ARHGAP28: variants seen among roughly 807,000 people sequenced by gnomAD.
ARHGAP28 encodes Rho GTPase activating protein 28.
ARHGAP28 carries 56 observed loss-of-function variants against 90.7 expected under a neutral mutation model. The observed-to-expected ratio is 0.62, with a 90% confidence interval of 0.50 to 0.77. The LOEUF is 0.77. Among genes scored for constraint, ARHGAP28 ranks in the 30% least tolerant of loss-of-function variants. ARHGAP28 has a pLI of 0.00. For missense variants in ARHGAP28, 869 were observed against 900.9 expected, an observed-to-expected ratio of 0.96 and a Z score of 0.45; for synonymous variants, 308 against 323.3, an observed-to-expected ratio of 0.95 and a Z score of 0.51.
intron 12 of ARHGAP28, among the ~76,000 whole-genome samples, chr18:6,888,799 A>G (rs1337977793): frequency 6.6e-6 from 1 of 152,126 alleles, no homozygotes; most frequent in East Asian, 1.9e-4. Context: ...ACACACATGC[A>G]CTGTCTCTCT....
At position 6,869,188 on chromosome 18, in the gene ARHGAP28, C is replaced by G. The variant is rs922202411; in HGVS notation, c.811+954C>G. ...GGTAGTTAGAGTTCTATTTGTTTATCTTCCTCTGTTTTGAATGCAAGCCCC... is the reference window on the plus strand; with the variant it reads ...GGTAGTTAGAGTTCTATTTGTTTATGTTCCTCTGTTTTGAATGCAAGCCCC... On this transcript the variant is annotated intron_variant, in intron 6 of 17. Transcript: ENST00000383472. Among the ~76,000 whole-genome samples the G allele has an allele frequency of 1.3e-5, 2 of 150,016 alleles. 1 individual carries two copies. Among genetic ancestry groups the G allele is most frequent in the Admixed American group, 1.3e-4 (2 of 15,032 alleles).
At chr18:6,800,343 G>A (rs1262573675) in intron 1 of ARHGAP28, among the ~76,000 whole-genome samples, 1 of 152,198 alleles carries the variant, frequency 6.6e-6, no homozygotes, top group Non-Finnish European at 1.5e-5. Context: ...ATTTGACCTA[G>A]CAATCCCATT....
chr18:6,849,884 G>A (rs1212595016), intron 3 of ARHGAP28, among the ~76,000 whole-genome samples: 3 of 151,662 alleles, frequency 2.0e-5, no homozygotes, highest in African/African-American at 7.3e-5. Context: ...GCTTTCCTTT[G>A]AATTCTGAAC....
chr18:6,794,539 A>G (rs1175793694), intron 1 of ARHGAP28, among the ~76,000 whole-genome samples: 2 of 152,174 alleles, frequency 1.3e-5, no homozygotes, highest in South Asian at 2.1e-4. Flanking sequence ...TTGACTTGTG[A>G]TTTTAAAAAT....
chr18:6,729,924 G>A lies in ARHGAP28; in HGVS notation c.103G>A (p.Ala35Thr). The change falls in exon 1 of 18, where the codon GCC (alanine) becomes ACC (threonine). Residue 35 changes from alanine (A) to threonine (T), a missense_variant. Coordinates refer to ENST00000383472, the MANE Select transcript of ARHGAP28 (RefSeq NM_001366230.1). ...AESRCAPRAAASHPLSRKSIP... is the reference protein window; with the variant it reads ...AESRCAPRAATSHPLSRKSIP... ...GTCGCGCTGCGCGCCCCGCGCCGCAGCCAGCCACCCGCTCAGCAGGTACCC... is the reference window on the plus strand; with the variant it reads ...GTCGCGCTGCGCGCCCCGCGCCGCAACCAGCCACCCGCTCAGCAGGTACCC... The A allele has an allele frequency of 7.2e-7, 1 of 1,396,138 alleles. No homozygotes were observed. Among genetic ancestry groups the A allele is most frequent in the Non-Finnish European group, 9.3e-7 (1 of 1,077,716 alleles). The allele number at this position is 1,396,138 out of a possible 1,614,324, so 86.5% of individuals were successfully genotyped here. A position where few individuals can be genotyped will look rare whatever the true frequency, so the allele number is the denominator to read the frequency against.
chr18:6,765,574 A>C (rs1433628152), intron 1 of ARHGAP28, among the ~76,000 whole-genome samples: 1 of 151,942 alleles, frequency 6.6e-6, no homozygotes, highest in Admixed American at 6.6e-5. Flanking sequence ...GCTTTTTAAA[A>C]ATTTTTTTCT....
chr18:6,837,270 T>C lies in ARHGAP28; in HGVS notation c.399T>C (p.Asp133=), dbSNP rs1482576269. The C allele has an allele frequency of 9.3e-6, 15 of 1,606,186 alleles. No homozygotes were observed. Among genetic ancestry groups the C allele is most frequent in the Non-Finnish European group, 1.3e-5 (15 of 1,176,806 alleles). Residue 133 remains aspartate, a synonymous_variant, in exon 3 of 18, where the codon GAT becomes GAC. Transcript: ENST00000383472. ...STLISGDEEE[D]GKALLSTLTR... is the part of the protein sequence containing the mutation. ...TGATCTCAGGTGATGAAGAGGAAGA[T>C]GGCAAAGCCTTGCTCTCCACATTGA...
At chr18:6,901,844 G>A (rs754751078) in intron 16 of ARHGAP28, among the ~76,000 whole-genome samples, 1 of 152,190 alleles carries the variant, frequency 6.6e-6, no homozygotes, top group African/African-American at 2.4e-5. Flanking sequence ...GAGTCCAGAA[G>A]TCTGAAATAA....
At chr18:6,820,610 C>T (rs1374249228) in intron 1 of ARHGAP28, among the ~76,000 whole-genome samples, 1 of 152,044 alleles carries the variant, frequency 6.6e-6, no homozygotes, top group East Asian at 1.9e-4. Flanking sequence ...TTGCTGAAAG[C>T]AAAAGATAAA....
intron 1 of ARHGAP28, among the ~76,000 whole-genome samples, chr18:6,781,503 C>T (rs1470034436): frequency 1.3e-5 from 2 of 152,312 alleles, no homozygotes; most frequent in Middle Eastern, 3.4e-3. Context: ...GCAGGGAACT[C>T]CTGACCCCAT....
intron 5 of ARHGAP28, 104 bp from the exon 6 acceptor site, chr18:6,868,046 G>A: frequency 2.2e-6 from 2 of 899,504 alleles, no homozygotes; most frequent in Non-Finnish European, 1.7e-6. Context: ...CTTTTTTTAT[G>A]TGAAAATAAC....
chr18:6,803,777 TTTTA>T (rs1322191190), intron 1 of ARHGAP28, among the ~76,000 whole-genome samples: 4 of 151,924 alleles, frequency 2.6e-5, no homozygotes, highest in Non-Finnish European at 4.4e-5. Context: ...TTATTTTTAT[TTTTA>T]TTTATTTATT....
chr18:6,793,801 A>G (rs1482051413), intron 1 of ARHGAP28, among the ~76,000 whole-genome samples: 8 of 151,936 alleles, frequency 5.3e-5, no homozygotes, highest in African/African-American at 9.7e-5. Flanking sequence ...AGGATACTAG[A>G]TGATTTACAA....
At chr18:6,903,426 C>CA (rs1427456132) in intron 16 of ARHGAP28, among the ~76,000 whole-genome samples, 1 of 152,072 alleles carries the variant, frequency 6.6e-6, no homozygotes, top group African/African-American at 2.4e-5. Context: ...AGTAAAACAT[C>CA]AATACCAGTA....
intron 3 of ARHGAP28, among the ~76,000 whole-genome samples, chr18:6,841,208 C>CTCTCTCCTCTCT (rs1555631529): frequency 2.3e-5 from 1 of 43,136 alleles, no homozygotes; most frequent in East Asian, 7.6e-4. Flanking sequence ...TCTCTCCTCT[C>CTCTCTCCTCTCT]CTCTCTCTCT....
chr18:6,841,208 C>CCTCTCT (rs369622522), intron 3 of ARHGAP28, among the ~76,000 whole-genome samples: 8 of 43,136 alleles, frequency 1.9e-4, no homozygotes, highest in Non-Finnish European at 2.2e-4. Flanking sequence ...TCTCTCCTCT[C>CCTCTCT]CTCTCTCTCT....
At chr18:6,817,193 A>G (rs1431151217) in intron 1 of ARHGAP28, among the ~76,000 whole-genome samples, 2 of 151,974 alleles carry the variant, frequency 1.3e-5, no homozygotes, top group Admixed American at 1.3e-4. Context: ...GCATGCCTAT[A>G]ATCCCAGCTA....
chr18:6,890,507 C>T lies in ARHGAP28; in HGVS notation c.1812C>T (p.Val604=). The T allele has an allele frequency of 6.2e-7, 1 of 1,613,172 alleles. No homozygotes were observed. The highest frequency in any genetic ancestry group is 8.5e-7 in the Non-Finnish European group (1 of 1,179,662). The change falls in exon 14 of 18, where the codon GTC becomes GTT. Residue 604 remains valine (V), a synonymous_variant. Transcript: ENST00000383472. ...TMLLKKQLPS[V]RKLLRRKTLE... Reference sequence around the variant, plus strand: ...TATTGAAGAAGCAGCTCCCAAGTGTCAGGAAGCTGCTCAGGAGGAAGACCC... The same window carrying T: ...TATTGAAGAAGCAGCTCCCAAGTGTTAGGAAGCTGCTCAGGAGGAAGACCC...
intron 1 of ARHGAP28, among the ~76,000 whole-genome samples, chr18:6,764,970 G>GA (rs1158007484): frequency 2.7e-5 from 4 of 149,994 alleles, no homozygotes; most frequent in South Asian, 4.2e-4. Context: ...ACTTACACTG[G>GA]AAAAAAAAAG....
Sources: gnomAD v4.1 joint callset for allele counts (sites outside exome capture counted in the v4.1 genomes callset) on GRCh38, gnomAD v4.1.1 for gene constraint, MANE v1.5 for transcripts, NCBI Gene and HGNC (gene_info 2026-07-23, HGNC 2026-07-21) for gene names.